The following RASGRF2 variants were observed in gnomAD, a reference collection of about 807,000 sequenced individuals.
The protein encoded by RASGRF2 is ras-specific guanine nucleotide-releasing factor 2.
Under a neutral mutation model 151.0 loss-of-function variants are expected in RASGRF2, and 76 were observed. The observed-to-expected ratio is 0.50, with a 90% CI of 0.42 to 0.61. RASGRF2 has a LOEUF of 0.61. RASGRF2 is among the 20% of genes least tolerant of loss of function. The pLI is 0.00. For synonymous variants in RASGRF2, 504 were observed against 566.5 expected (o/e 0.89, Z 1.57); for missense variants, 1,148 against 1,564.6 (o/e 0.73, Z 4.49).
At chr5:81,080,425 G>T (rs1364372093) in intron 6 of RASGRF2, among the ~76,000 whole-genome samples, 171 bp from the exon 7 acceptor site, 1 of 152,140 alleles carries the variant, frequency 6.6e-6, no homozygotes, top group Non-Finnish European at 1.5e-5. Context: ...TGGGGCTGGA[G>T]TCAAGTGCTG....
chr5:81,146,870 T>C (rs1307792236), intron 17 of RASGRF2, among the ~76,000 whole-genome samples: 1 of 152,206 alleles, frequency 6.6e-6, no homozygotes, highest in African/African-American at 2.4e-5. Context: ...CTAAATTATG[T>C]ACAAGCTTAC....
intron 15 of RASGRF2, among the ~76,000 whole-genome samples, chr5:81,114,280 C>T (rs1415332509): frequency 1.3e-5 from 2 of 152,196 alleles, no homozygotes; most frequent in African/African-American, 4.8e-5. Context: ...TTGTGGGTAC[C>T]CTCACCCGTG....
chr5:81,136,522 T>C (rs1292378360), intron 17 of RASGRF2, among the ~76,000 whole-genome samples: 3 of 152,214 alleles, frequency 2.0e-5, no homozygotes, highest in Non-Finnish European at 4.4e-5. Flanking sequence ...TCCTTGTTCC[T>C]CTGTTGGTGT....
chr5:81,180,196 C>T lies in RASGRF2; in HGVS notation c.2708C>T (p.Thr903Ile), dbSNP rs368392136. ...SPPGFNNTER[T>I]CDKEFIIRRT... The stretch of plus-strand genomic sequence containing the variant: ...TAAGGCTTTAACAACACCGAGAGAA[C>T]ATGTGATAAAGAGTTTATTATACGG... The change falls in exon 18 of 27, where the codon ACA becomes ATA. Residue 903 changes from threonine (T) to isoleucine (I), a missense_variant. Physicochemically the swap from Thr to Ile is moderately conservative, Grantham distance 89. Around this residue, in one of 5 missense-constraint regions of RASGRF2, gnomAD observed 646 missense variants for 807.4 expected, o/e 0.80. Transcript: ENST00000265080. The T allele has an allele frequency of 9.3e-6, 15 of 1,609,270 alleles. No homozygotes were observed. In the African/African-American group the frequency reaches 1.9e-4, roughly 20 times the overall value.
chr5:80,988,856 C>T lies in RASGRF2; in HGVS notation c.288+27830C>T, dbSNP rs149339254. Among the ~76,000 whole-genome samples the T allele has an allele frequency of 7.5e-3, 1,143 of 152,142 alleles. 21 individuals are homozygous for T. Among genetic ancestry groups the T allele is most frequent in the African/African-American group, 0.026 (1,083 of 41,516 alleles). ...ACATACAAACAAAAATAAAGCATAA[C>T]AAAATAGGCATAGTTTGGACATACA... On this transcript the variant is annotated intron_variant, in intron 1 of 26. Transcript: ENST00000265080.
chr5:81,208,238 A>C lies in RASGRF2; in HGVS notation c.3072-116A>C, dbSNP rs568232102. The C allele has an allele frequency of 3.8e-6, 3 of 799,534 alleles. 1 individual carries two copies. The South Asian group carries it at 5.8e-5, about 15-fold the overall frequency. 49.5% of individuals were successfully genotyped at this position (799,534 alleles called of 1,614,324 possible). A position where few individuals can be genotyped will look rare whatever the true frequency, so the allele number is the denominator to read the frequency against. On this transcript the variant is annotated intron_variant, in intron 21 of 26. Transcript: ENST00000265080. ...AGGCTGGCAGCAGCAGGTGTCAGGAACCATTCTAGGCCATGTCAAATGGAA... is the reference window on the plus strand; with the variant it reads ...AGGCTGGCAGCAGCAGGTGTCAGGACCCATTCTAGGCCATGTCAAATGGAA...
At chr5:81,030,951 G>C (rs1372072026) in intron 1 of RASGRF2, among the ~76,000 whole-genome samples, 2 of 152,190 alleles carry the variant, frequency 1.3e-5, no homozygotes, top group Non-Finnish European at 2.9e-5. Context: ...AGGGATGGAG[G>C]AAGATCTACC....
intron 1 of RASGRF2, among the ~76,000 whole-genome samples, chr5:81,009,102 G>A (rs1251817280): frequency 1.3e-5 from 2 of 152,200 alleles, no homozygotes; most frequent in Non-Finnish European, 2.9e-5. Context: ...ATGCCCTGAT[G>A]GGTTGTGGGT....
chr5:81,213,893 A>G (rs757901178), intron 23 of RASGRF2, among the ~76,000 whole-genome samples: 2 of 152,236 alleles, frequency 1.3e-5, no homozygotes, highest in Non-Finnish European at 2.9e-5. Flanking sequence ...TTGTTTTGAG[A>G]TGATTATAGC....
At chr5:81,000,174 CTG>C (rs1452912756) in intron 1 of RASGRF2, among the ~76,000 whole-genome samples, 2 of 152,220 alleles carry the variant, frequency 1.3e-5, no homozygotes, top group African/African-American at 2.4e-5. Flanking sequence ...AGCCCTGAGA[CTG>C]TGTAAGCAGC....
chr5:81,076,007 A>C (rs1244600861), intron 5 of RASGRF2, among the ~76,000 whole-genome samples: 1 of 152,204 alleles, frequency 6.6e-6, no homozygotes, highest in African/African-American at 2.4e-5. Flanking sequence ...TGAAAACCAG[A>C]AGAGTGAGTT....
chr5:81,060,297 C>A (rs1439175306), intron 2 of RASGRF2, among the ~76,000 whole-genome samples: 1 of 152,150 alleles, frequency 6.6e-6, no homozygotes, highest in Non-Finnish European at 1.5e-5. Flanking sequence ...ACAGGCTAGG[C>A]CCACTCCCAC....
At chr5:81,007,186 G>A (rs1268866342) in intron 1 of RASGRF2, among the ~76,000 whole-genome samples, 1 of 152,138 alleles carries the variant, frequency 6.6e-6, no homozygotes, top group Non-Finnish European at 1.5e-5. Context: ...AGGGGGTGTA[G>A]CTTTCAGGAA....
At chr5:80,987,795 CCACCTCCATCT>C (rs1748519054) in intron 1 of RASGRF2, among the ~76,000 whole-genome samples, 1 of 152,164 alleles carries the variant, frequency 6.6e-6, no homozygotes, top group African/African-American at 2.4e-5. Flanking sequence ...TCTCCAGCTG[CCACCTCCATCT>C]CTCCTGTTCC....
intron 17 of RASGRF2, among the ~76,000 whole-genome samples, chr5:81,144,089 T>C (rs1459523348): frequency 1.3e-5 from 2 of 152,146 alleles, no homozygotes; most frequent in African/African-American, 4.8e-5. Context: ...CTCAATGAAC[T>C]TTTTTGGGAG....
intron 1 of RASGRF2, among the ~76,000 whole-genome samples, chr5:81,022,759 T>C (rs901420246): frequency 3.9e-5 from 6 of 152,136 alleles, no homozygotes; most frequent in Admixed American, 2.0e-4. Flanking sequence ...CTTCGACCTT[T>C]GGGCTGTAAT....
intron 12 of RASGRF2, among the ~76,000 whole-genome samples, chr5:81,104,544 A>T (rs756223397): frequency 7.2e-5 from 11 of 152,204 alleles, no homozygotes; most frequent in Non-Finnish European, 1.5e-4. Context: ...TCTCTTTTAT[A>T]TAATTTCATG....
chr5:80,962,554 A>C (rs1747596697), intron 1 of RASGRF2, among the ~76,000 whole-genome samples: 1 of 152,054 alleles, frequency 6.6e-6, no homozygotes, highest in Non-Finnish European at 1.5e-5. Context: ...TCATTTACTT[A>C]ATCTCAAATT....
chr5:80,988,003 ATGTGCG>A (rs1748527022), intron 1 of RASGRF2, among the ~76,000 whole-genome samples: 6 of 128,176 alleles, frequency 4.7e-5, no homozygotes, highest in Admixed American at 3.3e-4. Flanking sequence ...TTTGAAATAA[ATGTGCG>A]TGTGTGTGTG....
Sources: gnomAD v4.1 joint callset for allele counts (sites outside exome capture counted in the v4.1 genomes callset) on GRCh38, gnomAD v4.1.1 for gene constraint, gnomAD v4.1.1 regional missense constraint, MANE v1.5 for transcripts, NCBI Gene and HGNC (gene_info 2026-07-23, HGNC 2026-07-21) for gene names.